MAP2K5: variants seen among roughly 807,000 people sequenced by gnomAD.
MAP2K5 encodes mitogen-activated protein kinase kinase 5, also known as dual specificity mitogen-activated protein kinase kinase 5.
A neutral mutation model predicts 83.1 loss-of-function variants in MAP2K5; 49 were observed. The ratio of observed to expected loss-of-function variants is 0.59; its 90% CI spans 0.47 to 0.75. The LOEUF (loss-of-function observed/expected upper bound fraction) is 0.75, where lower values mean the gene tolerates loss of function less well. Ranked by LOEUF, MAP2K5 falls within the 30% of genes least tolerant of loss-of-function variation. The probability of loss-of-function intolerance (pLI) is 0.00; values close to 1 mark genes in which losing one functional copy is unlikely to be tolerated. For missense variants in MAP2K5, 457 were observed against 557.5 expected, an observed-to-expected ratio of 0.82 and a Z score of 1.82; for synonymous variants, 202 against 191.8, an observed-to-expected ratio of 1.05 and a Z score of -0.44.
chr15:67,692,923 T>C (rs1459836630), intron 14 of MAP2K5, among the ~76,000 whole-genome samples: 1 of 152,172 alleles, frequency 6.6e-6, no homozygotes, highest in Non-Finnish European at 1.5e-5. Flanking sequence ...GCAACAATGG[T>C]GGAGGGCCAT....
rs200655854 is a variant in MAP2K5, at chr15:67,762,808, C to T, written c.1135-6794C>T. Among the ~76,000 whole-genome samples, 6 of 152,140 alleles carry T rather than the reference C, an allele frequency of 3.9e-5. No individual in the cohort carries two copies. In the East Asian group the frequency reaches 1.2e-3, roughly 29 times the overall value. On this transcript the variant is annotated intron_variant, in intron 19 of 21. Coordinates refer to ENST00000178640, the MANE Select transcript of MAP2K5 (RefSeq NM_145160.3). Reference sequence around the variant, plus strand: ...CCATCTGGTAGTGATGTTCACTTGGCTAACAGCTGGTTCTCCTTGATTAAA... The same window carrying T: ...CCATCTGGTAGTGATGTTCACTTGGTTAACAGCTGGTTCTCCTTGATTAAA...
rs71142390 is a variant in MAP2K5, at chr15:67,634,367, C to CAAAAAAAAAAAAAAAAAAAAAAA, written c.585+3460_585+3482dup. ...TGGGTGACAGAGTAAGACCTCATCT[C>CAAAAAAAAAAAAAAAAAAAAAAA]AAAAAAAAAAAAAAAAAAAAAAAAA... On this transcript the variant is annotated intron_variant, in intron 9 of 21. Coordinates refer to ENST00000178640, the MANE Select transcript of MAP2K5 (RefSeq NM_145160.3). 1.9e-4 allele frequency among the ~76,000 whole-genome samples: 9 copies of CAAAAAAAAAAAAAAAAAAAAAAA among 48,578 alleles called. 1 individual carries two copies. Among genetic ancestry groups the CAAAAAAAAAAAAAAAAAAAAAAA allele is most frequent in the Admixed American group, 3.2e-4 (1 of 3,138 alleles). The allele number at this position is 48,578 out of a possible 152,430, so 31.9% of individuals were successfully genotyped here. A position where few individuals can be genotyped will look rare whatever the true frequency, so the allele number is the denominator to read the frequency against.
At chr15:67,734,652 T>TA (rs1393508172) in intron 17 of MAP2K5, among the ~76,000 whole-genome samples, 2 of 152,214 alleles carry the variant, frequency 1.3e-5, no homozygotes, top group African/African-American at 4.8e-5. Context: ...AGACCACAGA[T>TA]ATCATTATCT....
At chr15:67,725,039 GT>G (rs1485127977) in intron 16 of MAP2K5, among the ~76,000 whole-genome samples, 2 of 152,194 alleles carry the variant, frequency 1.3e-5, no homozygotes, top group African/African-American at 4.8e-5. Flanking sequence ...TAGGACTGAG[GT>G]TCCACAAGAT....
intron 9 of MAP2K5, chr15:67,641,665 C>A: frequency 1.0e-6 from 1 of 965,626 alleles, no homozygotes; most frequent in African/African-American, 1.8e-5. Context: ...CAAGGTATTT[C>A]AGTTTCTCAC....
chr15:67,679,025 G>A lies in MAP2K5; in HGVS notation c.848-13454G>A, dbSNP rs1175787811. 2.7e-5 allele frequency among the ~76,000 whole-genome samples: 4 copies of A among 149,848 alleles called. 1 individual carries two copies. The highest frequency in any genetic ancestry group is 7.0e-3 in the Middle Eastern group (2 of 284). The stretch of plus-strand genomic sequence containing the variant: ...ATTACCGTTTGGGTCCCTATACAAA[G>A]CACATTAAGTAACTCCAACTGTAGT... On this transcript the variant is annotated intron_variant, in intron 13 of 21. Transcript: ENST00000178640.
At position 67,727,961 on chromosome 15, in the gene MAP2K5, A is replaced by G. The variant is rs766201541; in HGVS notation, c.1074+16A>G. The G allele has an allele frequency of 5.0e-6, 8 of 1,607,302 alleles. No homozygotes were observed. In the South Asian group the frequency reaches 8.8e-5, roughly 18 times the overall value. Reference sequence around the variant, plus strand: ...ATATCCTCAGGTAAGATTGTTCATTACTGCTGTTTGCCACTGTGACATTCA... The same window carrying G: ...ATATCCTCAGGTAAGATTGTTCATTGCTGCTGTTTGCCACTGTGACATTCA... On this transcript the variant is annotated intron_variant, in intron 17 of 21. Coordinates refer to ENST00000178640, the MANE Select transcript of MAP2K5 (RefSeq NM_145160.3).
At chr15:67,772,184 T>C (rs1282766900) in intron 20 of MAP2K5, among the ~76,000 whole-genome samples, 4 of 152,246 alleles carry the variant, frequency 2.6e-5, no homozygotes, top group Non-Finnish European at 5.9e-5. Flanking sequence ...CTTCTAATTT[T>C]GTAGCATTAT....
At chr15:67,792,076 C>T (rs1425098744) in intron 21 of MAP2K5, among the ~76,000 whole-genome samples, 1 of 152,214 alleles carries the variant, frequency 6.6e-6, no homozygotes, top group Admixed American at 6.5e-5. Context: ...GAGCCAATAC[C>T]TGCTCAATGT....
chr15:67,544,929 G>T (rs1322216168), intron 1 of MAP2K5, among the ~76,000 whole-genome samples: 2 of 152,154 alleles, frequency 1.3e-5, no homozygotes, highest in African/African-American at 2.4e-5. Context: ...TCTCCACACA[G>T]TCATGCACAT....
In MAP2K5 at chr15:67,594,266, T is replaced by G. The variant is rs3784691; in HGVS notation, c.480+1292T>G. On this transcript the variant is annotated intron_variant, in intron 7 of 21. Transcript: ENST00000178640. ...GTTTGTTTAGATTGAGGTCCACATC[T>G]GTATCACCTCAGTGCCTTATATTTT... 1.8e-4 allele frequency among the ~76,000 whole-genome samples: 28 copies of G among 152,314 alleles called. No individual in the cohort carries two copies. In the East Asian group the frequency reaches 2.9e-3, roughly 16 times the overall value.
In MAP2K5 at chr15:67,764,404, A is replaced by G. The variant is rs145747663; in HGVS notation, c.1135-5198A>G. The stretch of plus-strand genomic sequence containing the variant: ...TGCAGACTCTTTTACTTTATGCCCC[A>G]TGACCCTCGTTTGTGAACTCGCGTC... On this transcript the variant is annotated intron_variant, in intron 19 of 21. Transcript: ENST00000178640. This position sits in a 1 kb window ranked among gnomAD's most constrained non-coding sequence, Gnocchi z 4.9. Among the ~76,000 whole-genome samples, 33 of 152,300 alleles carry G rather than the reference A, an allele frequency of 2.2e-4. No homozygotes were observed. The East Asian group carries it at 6.0e-3, about 28-fold the overall frequency.
chr15:67,568,878 C>A (rs1006351512), intron 3 of MAP2K5, among the ~76,000 whole-genome samples: 2 of 151,512 alleles, frequency 1.3e-5, no homozygotes. Flanking sequence ...TGGTGGCATG[C>A]GCCTGTAGTC....
Position 67,652,288 on chromosome 15 carries a change from A to G in MAP2K5, c.736+5819A>G, listed in dbSNP as rs1019043894. On this transcript the variant is annotated intron_variant, in intron 11 of 21. Transcript: ENST00000178640. The surrounding 1 kb of genome is among the most constrained non-coding windows in gnomAD (Gnocchi z 4.2). Reference sequence around the variant, plus strand: ...AAATTTTAACCTTATTAGCCATGATATTAGTCCATCTTGTGTTGCTATAAA... The same window carrying G: ...AAATTTTAACCTTATTAGCCATGATGTTAGTCCATCTTGTGTTGCTATAAA... Among the ~76,000 whole-genome samples the G allele has an allele frequency of 6.6e-6, 1 of 152,168 alleles. No individual in the cohort carries two copies. Among genetic ancestry groups the G allele is most frequent in the Non-Finnish European group, 1.5e-5 (1 of 68,032 alleles).
chr15:67,624,580 A>G (rs1308011488), intron 8 of MAP2K5, among the ~76,000 whole-genome samples: 2 of 149,830 alleles, frequency 1.3e-5, no homozygotes, highest in Non-Finnish European at 3.0e-5. Context: ...ATTAAACATC[A>G]CGATCTCTTT....
chr15:67,548,033 T>C lies in MAP2K5; in HGVS notation c.136-2001T>C, dbSNP rs551293668. ...AAGTTTGCTTTGTTCTTTCTCCCTTTTCCTCGTATCAGGTGAGGAGCATGT... is the reference window on the plus strand; with the variant it reads ...AAGTTTGCTTTGTTCTTTCTCCCTTCTCCTCGTATCAGGTGAGGAGCATGT... On this transcript the variant is annotated intron_variant, in intron 1 of 21. Coordinates refer to ENST00000178640, the MANE Select transcript of MAP2K5 (RefSeq NM_145160.3). Among the ~76,000 whole-genome samples the C allele has an allele frequency of 3.9e-5, 6 of 152,314 alleles. No individual in the cohort carries two copies. In the South Asian group the frequency reaches 1.2e-3, roughly 32 times the overall value.
At position 67,719,960 on chromosome 15, in the gene MAP2K5, G is replaced by T. The variant is rs753778260; in HGVS notation, c.1045-7956G>T. ...CCATTGTTTTTAACTGACTTTTAGA[G>T]ATTTAGTTATATACCCAGATATTTT... is the stretch of plus-strand genomic sequence containing the variant. On this transcript the variant is annotated intron_variant, in intron 16 of 21. Transcript: ENST00000178640. The surrounding 1 kb of genome is among the most constrained non-coding windows in gnomAD (Gnocchi z 4.6). Among the ~76,000 whole-genome samples, 3 of 152,122 alleles carry T rather than the reference G, an allele frequency of 2.0e-5. No homozygotes were observed. Among genetic ancestry groups the T allele is most frequent in the Non-Finnish European group, 4.4e-5 (3 of 68,016 alleles).
intron 3 of MAP2K5, among the ~76,000 whole-genome samples, chr15:67,571,736 CA>C (rs1316618930): frequency 6.6e-6 from 1 of 152,110 alleles, no homozygotes; most frequent in Non-Finnish European, 1.5e-5. Flanking sequence ...GAGGCATAAA[CA>C]ATTGTGTGCC....
intron 1 of MAP2K5, among the ~76,000 whole-genome samples, chr15:67,547,108 A>ACACACACACAC (rs1555524638): frequency 1.4e-5 from 2 of 144,014 alleles, no homozygotes; most frequent in Non-Finnish European, 3.0e-5. Context: ...ACACACACAC[A>ACACACACACAC]GATTTCTGTC....
Sources: allele counts gnomAD v4.1 joint callset (sites outside exome capture counted in the v4.1 genomes callset), GRCh38; gene constraint gnomAD v4.1.1; non-coding constraint Gnocchi (gnomAD v3.1); transcripts MANE v1.5; gene names NCBI Gene and HGNC (gene_info 2026-07-23, HGNC 2026-07-21).